The following NAV3 variants were observed in gnomAD, a reference collection of about 807,000 sequenced individuals.
NAV3 encodes pore membrane and/or filament interacting like protein 1.
Under a neutral mutation model 244.7 loss-of-function variants are expected in NAV3, and 87 were observed. The ratio of observed to expected loss-of-function variants is 0.36; its 90% CI spans 0.30 to 0.42. The LOEUF (loss-of-function observed/expected upper bound fraction) is 0.42. Among genes scored for constraint, NAV3 ranks in the 20% least tolerant of loss-of-function variants. The pLI is 1.00. For missense variants in NAV3, 2,663 were observed against 2,893.3 expected, an observed-to-expected ratio of 0.92 and a Z score of 1.83; for synonymous variants, 1,126 against 1,042.2, an observed-to-expected ratio of 1.08 and a Z score of -1.55.
chr12:77,954,796 T>A (rs917677394), intron 3 of NAV3, among the ~76,000 whole-genome samples: 6 of 152,200 alleles, frequency 3.9e-5, no homozygotes, highest in Non-Finnish European at 8.8e-5. Flanking sequence ...TAGGATTTTT[T>A]AAAAAATTGG....
At chr12:78,067,386 A>G (rs1885141536) in intron 12 of NAV3, among the ~76,000 whole-genome samples, 2 of 152,106 alleles carry the variant, frequency 1.3e-5, no homozygotes, top group South Asian at 2.1e-4. Context: ...TAAGAGACCA[A>G]TGCAAAATAA....
At chr12:77,842,631 A>G (rs959559829) in intron 1 of NAV3, among the ~76,000 whole-genome samples, 16 of 151,322 alleles carry the variant, frequency 1.1e-4, no homozygotes, top group Admixed American at 8.6e-4. Flanking sequence ...GCTTGGAGGT[A>G]TTGTGAAACT....
At chr12:77,776,769 T>C (rs1284919135) in intron 2 of NAV3, among the ~76,000 whole-genome samples, 2 of 151,892 alleles carry the variant, frequency 1.3e-5, no homozygotes, top group African/African-American at 4.8e-5. Context: ...TCACCAGAGG[T>C]TGGGAGTTTG....
chr12:77,606,910 G>A (rs1870694608), intron 2 of NAV3, among the ~76,000 whole-genome samples: 1 of 152,054 alleles, frequency 6.6e-6, no homozygotes, highest in Non-Finnish European at 1.5e-5. Context: ...TTGAACATTA[G>A]TGGTCAAGGT....
At chr12:78,162,050 T>C (rs1029874420) in intron 23 of NAV3, among the ~76,000 whole-genome samples, 1 of 152,138 alleles carries the variant, frequency 6.6e-6, no homozygotes, top group African/African-American at 2.4e-5. Flanking sequence ...GAAAACTCTT[T>C]GGCACTAAAT....
chr12:77,812,384 C>T (rs1398641964), intron 2 of NAV3, among the ~76,000 whole-genome samples: 1 of 151,970 alleles, frequency 6.6e-6, no homozygotes, highest in Non-Finnish European at 1.5e-5. Context: ...CAATGAAAAA[C>T]TGAGGAATTT....
At chr12:78,058,770 C>G (rs1883887545) in intron 11 of NAV3, among the ~76,000 whole-genome samples, 1 of 151,848 alleles carries the variant, frequency 6.6e-6, no homozygotes, top group Non-Finnish European at 1.5e-5. Context: ...GTAACTACTA[C>G]TAGGAAATAT....
In NAV3 at chr12:78,007,351, A is replaced by G. The variant is rs761471682; in HGVS notation, c.1813A>G (p.Ser605Gly). ...GSCTMTVAQSSGQSTGNGAVQ... is the reference protein window; with the variant it reads ...GSCTMTVAQSGGQSTGNGAVQ... ...CTGTACCATGACAGTGGCACAAAGC[A>G]GTGGGCAGAGCACAGGAAATGGTGC... The change falls in exon 8 of 40, where the codon AGT (serine) becomes GGT (glycine). Residue 605 changes from serine to glycine, a missense_variant. Around this residue, in one of 6 missense-constraint regions of NAV3, gnomAD observed 1,521 missense variants for 1,497.0 expected, o/e 1.02. Coordinates refer to ENST00000397909, the MANE Select transcript of NAV3 (RefSeq NM_001024383.2). 3 of 1,614,204 alleles carry G rather than the reference A, an allele frequency of 1.9e-6. No individual in the cohort carries two copies. Among genetic ancestry groups the G allele is most frequent in the Non-Finnish European group, 2.5e-6 (3 of 1,180,038 alleles).
chr12:78,024,807 C>G (rs1223512868), intron 9 of NAV3, among the ~76,000 whole-genome samples: 2 of 152,002 alleles, frequency 1.3e-5, no homozygotes, highest in Non-Finnish European at 2.9e-5. Flanking sequence ...GATGCCGTCT[C>G]TACTAAAAAT....
At chr12:78,162,117 C>CA (rs1175254671) in intron 23 of NAV3, among the ~76,000 whole-genome samples, 15 of 152,214 alleles carry the variant, frequency 9.9e-5, no homozygotes, top group African/African-American at 2.4e-5. Flanking sequence ...TAACAAAAGA[C>CA]AAAATCACTG....
chr12:77,624,732 A>G (rs1871541110), intron 2 of NAV3, among the ~76,000 whole-genome samples: 1 of 152,214 alleles, frequency 6.6e-6, no homozygotes, highest in South Asian at 2.1e-4. Flanking sequence ...AGAAAGTAAC[A>G]TTTATCCCAA....
At chr12:77,602,762 T>G (rs1014488387) in intron 2 of NAV3, among the ~76,000 whole-genome samples, 3 of 151,928 alleles carry the variant, frequency 2.0e-5, no homozygotes, top group Non-Finnish European at 2.9e-5. Context: ...TAAAAGTGAG[T>G]CCACTCTCAG....
intron 6 of NAV3, 90 bp from the exon 7 acceptor site, chr12:77,998,247 T>C: frequency 1.1e-6 from 1 of 917,790 alleles, no homozygotes. Context: ...TAGAACATCA[T>C]ATGTTGTAAA....
chr12:78,103,933 T>C (rs1954669963), intron 12 of NAV3, among the ~76,000 whole-genome samples: 1 of 152,212 alleles, frequency 6.6e-6, no homozygotes, highest in Non-Finnish European at 1.5e-5. Flanking sequence ...TTTCTTATAC[T>C]TTTGCTTTTA....
chr12:77,935,869 C>G (rs566823427), intron 1 of NAV3, among the ~76,000 whole-genome samples: 1 of 152,114 alleles, frequency 6.6e-6, no homozygotes. Context: ...GGATGTGCTA[C>G]GCACTTTCAG....
At chr12:78,055,867 G>C (rs1418205302) in intron 11 of NAV3, among the ~76,000 whole-genome samples, 1 of 152,172 alleles carries the variant, frequency 6.6e-6, no homozygotes, top group African/African-American at 2.4e-5. Context: ...CATCTGGCTA[G>C]TCTCTGCTGA....
At chr12:77,955,280 G>C (rs765896395) in intron 3 of NAV3, among the ~76,000 whole-genome samples, 1 of 152,096 alleles carries the variant, frequency 6.6e-6, no homozygotes, top group African/African-American at 2.4e-5. Flanking sequence ...ACCATGCCCA[G>C]TTCACATATA....
intron 1 of NAV3, among the ~76,000 whole-genome samples, chr12:77,916,818 G>T (rs1319351002): frequency 6.6e-6 from 1 of 151,858 alleles, no homozygotes; most frequent in Non-Finnish European, 1.5e-5. Context: ...ACTGTTTTAT[G>T]ATTACAATTA....
Position 78,004,426 on chromosome 12 carries a change from G to A in NAV3, c.881-1993G>A, listed in dbSNP as rs79204793. ...AGAGGTAAGGCTGTAAGCAGAGATA[G>A]CCCATAAAAATGCAAGATACAAATC... is the stretch of plus-strand genomic sequence containing the variant. On this transcript the variant is annotated intron_variant, in intron 7 of 39. Transcript: ENST00000397909. Among the ~76,000 whole-genome samples the A allele has an allele frequency of 8.9e-4, 135 of 152,230 alleles. No homozygotes were observed. In the East Asian group the frequency reaches 0.025, roughly 28 times the overall value.
Sources: gnomAD v4.1 joint callset for allele counts (sites outside exome capture counted in the v4.1 genomes callset) on GRCh38, gnomAD v4.1.1 for gene constraint, gnomAD v4.1.1 regional missense constraint, MANE v1.5 for transcripts, NCBI Gene and HGNC (gene_info 2026-07-23, HGNC 2026-07-21) for gene names.